LRRC37A2: variants seen among roughly 807,000 people sequenced by gnomAD.
LRRC37A2 encodes leucine rich repeat containing 37 member A2, also known as leucine-rich repeat-containing protein 37A2.
In LRRC37A2, 9 loss-of-function variants were observed where a neutral mutation model predicts 68.8. That is an observed-to-expected ratio of 0.13 (90% CI 0.08 to 0.23). LRRC37A2 has a LOEUF of 0.23. Ranked by LOEUF, LRRC37A2 falls within the 10% of genes least tolerant of loss-of-function variation. The pLI, the probability that LRRC37A2 is intolerant of heterozygous loss-of-function variation, is 1.00. For missense variants in LRRC37A2, 168 were observed against 950.4 expected (o/e 0.18, Z 10.82); for synonymous variants, 63 against 367.6 (o/e 0.17, Z 9.48).
chr17:46,535,071 T>G (rs1398096933), intron 6 of LRRC37A2, among the ~76,000 whole-genome samples: 2 of 148,168 alleles, frequency 1.3e-5, no homozygotes, highest in Non-Finnish European at 3.0e-5. Flanking sequence ...TTTTCAAATT[T>G]TTTGTAGAGA....
At chr17:46,917,683 T>C in the LRRC37A2 span, among the ~76,000 whole-genome samples, 2 of 152,238 alleles carry the variant, frequency 1.3e-5, no homozygotes, top group Non-Finnish European at 2.9e-5. Flanking sequence ...GACTATGTGG[T>C]GGCTCCAATC....
At chr17:46,889,941 AT>A in the LRRC37A2 span, among the ~76,000 whole-genome samples, 9 of 152,358 alleles carry the variant, frequency 5.9e-5, no homozygotes, top group African/African-American at 2.2e-4. Context: ...GTTAAAACAA[AT>A]GCTTAGAATA....
At chr17:46,549,163 C>G (rs778815510) in exon 10 of LRRC37A2, 1 of 1,611,368 alleles carries the variant, frequency 6.2e-7, no homozygotes. Flanking sequence ...CGCAAACAGG[C>G]TTCCATTCTC....
chr17:46,598,396 T>C, the LRRC37A2 span, among the ~76,000 whole-genome samples: 1 of 148,436 alleles, frequency 6.7e-6, no homozygotes, highest in South Asian at 2.2e-4. Flanking sequence ...TTTTGTATGC[T>C]TATCTTTTAA....
At chr17:46,832,385 CA>C in the LRRC37A2 span, among the ~76,000 whole-genome samples, 2 of 129,182 alleles carry the variant, frequency 1.5e-5, no homozygotes, top group Admixed American at 9.5e-5. Context: ...ACACAAGACA[CA>C]GGGGGGAAAA....
the LRRC37A2 span, among the ~76,000 whole-genome samples, chr17:46,856,235 G>A: frequency 6.6e-6 from 1 of 152,112 alleles, no homozygotes; most frequent in Non-Finnish European, 1.5e-5. Context: ...CTGAGCTTTG[G>A]GTTATGAGAA....
the LRRC37A2 span, among the ~76,000 whole-genome samples, chr17:47,015,970 G>A: frequency 6.6e-6 from 1 of 151,994 alleles, no homozygotes; most frequent in Admixed American, 6.6e-5. Context: ...TTGAGATGGA[G>A]TTTCTCTCTT....
the LRRC37A2 span, chr17:46,941,513 C>G: frequency 1.6e-6 from 1 of 626,762 alleles, no homozygotes; most frequent in Non-Finnish European, 2.0e-6. Context: ...TTTAAAATTA[C>G]ATATTCCTGG....
At chr17:46,995,310 G>A in the LRRC37A2 span, among the ~76,000 whole-genome samples, 1 of 152,208 alleles carries the variant, frequency 6.6e-6, no homozygotes, top group Non-Finnish European at 1.5e-5. Context: ...CCTGAACTGT[G>A]AGTTCCCTGG....
chr17:47,025,541 C>A, the LRRC37A2 span, among the ~76,000 whole-genome samples: 172 of 152,044 alleles, frequency 1.1e-3, 2 homozygotes, highest in Non-Finnish European at 2.5e-4. Context: ...AAATGTTTAC[C>A]CTAAGAAGCA....
the LRRC37A2 span, chr17:46,818,477 C>T: frequency 8.3e-6 from 13 of 1,572,424 alleles, no homozygotes; most frequent in African/African-American, 8.1e-5. Flanking sequence ...CCGGACGCGG[C>T]GGAGAAACCG....
At chr17:47,027,058 G>A in the LRRC37A2 span, among the ~76,000 whole-genome samples, 1 of 152,206 alleles carries the variant, frequency 6.6e-6, no homozygotes, top group Non-Finnish European at 1.5e-5. Flanking sequence ...CTACAGGCAC[G>A]TGCCACCAGG....
At chr17:46,985,184 G>A in the LRRC37A2 span, among the ~76,000 whole-genome samples, 3 of 152,298 alleles carry the variant, frequency 2.0e-5, no homozygotes, top group African/African-American at 4.8e-5. Flanking sequence ...AAGAGACTTC[G>A]AGGTTGGCCC....
the LRRC37A2 span, among the ~76,000 whole-genome samples, chr17:46,944,372 C>G: frequency 6.6e-6 from 1 of 152,206 alleles, no homozygotes; most frequent in African/African-American, 2.4e-5. Context: ...ACCTCTCAGC[C>G]TCAGCTTTCT....
chr17:46,961,788 T>C, the LRRC37A2 span, among the ~76,000 whole-genome samples: 1 of 152,294 alleles, frequency 6.6e-6, no homozygotes, highest in Non-Finnish European at 1.5e-5. Flanking sequence ...TATAGAAATA[T>C]TAATATCCAA....
the LRRC37A2 span, among the ~76,000 whole-genome samples, chr17:46,997,254 A>C: frequency 6.6e-6 from 1 of 152,114 alleles, no homozygotes; most frequent in Admixed American, 6.5e-5. Context: ...CAGGTGGCTG[A>C]GGCACGAGAA....
At chr17:46,940,264 G>C in the LRRC37A2 span, 2 of 1,426,538 alleles carry the variant, frequency 1.4e-6, no homozygotes, top group Non-Finnish European at 1.8e-6. Flanking sequence ...GGTTGGAGGA[G>C]ATCTCCATTG....
chr17:46,495,282 A>C, the LRRC37A2 span, among the ~76,000 whole-genome samples: 32 of 144,918 alleles, frequency 2.2e-4, 3 homozygotes, highest in Admixed American at 2.0e-3. Flanking sequence ...TATACTGCCC[A>C]GGCTGGTCTT....
chr17:46,456,217 T>G, the LRRC37A2 span, among the ~76,000 whole-genome samples: 2 of 108,894 alleles, frequency 1.8e-5, no homozygotes, highest in African/African-American at 6.5e-5. Flanking sequence ...GATATGTGTG[T>G]GTGTGTGTGT....
Sources: allele counts gnomAD v4.1 joint callset (sites outside exome capture counted in the v4.1 genomes callset), GRCh38; gene constraint gnomAD v4.1.1; transcripts MANE v1.5; gene names NCBI Gene and HGNC (gene_info 2026-07-23, HGNC 2026-07-21).